The following TBC1D5 variants were observed in gnomAD, a reference collection of about 807,000 sequenced individuals.
TBC1D5 encodes TBC1 domain family member 5.
TBC1D5 carries 75 observed loss-of-function variants against 100.3 expected under a neutral mutation model. The observed-to-expected ratio is 0.75, with a 90% CI of 0.62 to 0.91. The LOEUF (loss-of-function observed/expected upper bound fraction) is 0.91. Among genes scored for constraint, TBC1D5 ranks in the 40% least tolerant of loss-of-function variants. The pLI, the probability that TBC1D5 is intolerant of heterozygous loss-of-function variation, is 0.00. For missense variants in TBC1D5, 910 were observed against 942.4 expected (o/e 0.97, Z 0.45); for synonymous variants, 323 against 325.6 (o/e 0.99, Z 0.09).
At chr3:17,693,274 T>A (rs772221352) in intron 1 of TBC1D5, among the ~76,000 whole-genome samples, 2 of 152,078 alleles carry the variant, frequency 1.3e-5, no homozygotes, top group Admixed American at 1.3e-4. Context: ...TGAAGCAGGG[T>A]GGGGCATTGA....
intron 3 of TBC1D5, among the ~76,000 whole-genome samples, chr3:17,431,108 A>G (rs908388359): frequency 6.6e-6 from 1 of 151,962 alleles, no homozygotes; most frequent in Non-Finnish European, 1.5e-5. Flanking sequence ...AAATGAAATG[A>G]CAATACAATC....
At chr3:17,686,876 G>C (rs1353289764) in intron 1 of TBC1D5, among the ~76,000 whole-genome samples, 1 of 152,046 alleles carries the variant, frequency 6.6e-6, no homozygotes, top group Non-Finnish European at 1.5e-5. Flanking sequence ...TGCACAGGAT[G>C]GCTCCTACAA....
intron 2 of TBC1D5, among the ~76,000 whole-genome samples, chr3:17,579,761 T>C (rs2096681505): frequency 6.6e-6 from 1 of 152,124 alleles, no homozygotes; most frequent in South Asian, 2.1e-4. Flanking sequence ...GCTGAGTACC[T>C]GCCATAAGTA....
At chr3:17,716,860 GTGTT>G (rs147539875) in intron 1 of TBC1D5, among the ~76,000 whole-genome samples, 2,515 of 152,178 alleles carry the variant, frequency 0.017, 52 homozygotes, top group South Asian at 0.047. Flanking sequence ...ATTAATCTGA[GTGTT>G]TGTTCTTGAT....
chr3:17,286,920 C>T (rs950930237), intron 15 of TBC1D5, among the ~76,000 whole-genome samples: 2 of 152,158 alleles, frequency 1.3e-5, no homozygotes, highest in African/African-American at 4.8e-5. Flanking sequence ...CTGGATAAGA[C>T]TGTCTAGGTT....
chr3:17,574,532 G>A (rs769531653), intron 2 of TBC1D5, among the ~76,000 whole-genome samples: 2 of 152,146 alleles, frequency 1.3e-5, no homozygotes, highest in Admixed American at 6.5e-5. Flanking sequence ...CAGTTAATTC[G>A]TGGACTGTGG....
chr3:17,481,254 G>A (rs2095498459), intron 3 of TBC1D5, among the ~76,000 whole-genome samples: 1 of 152,250 alleles, frequency 6.6e-6, no homozygotes, highest in Non-Finnish European at 1.5e-5. Flanking sequence ...TGACGTGCCT[G>A]GCTGCGTGCA....
At chr3:17,585,120 T>G (rs1279899558) in intron 2 of TBC1D5, among the ~76,000 whole-genome samples, 1 of 152,222 alleles carries the variant, frequency 6.6e-6, no homozygotes, top group African/African-American at 2.4e-5. Context: ...ATCCTCTTTA[T>G]GTTTTTCTGT....
intron 3 of TBC1D5, among the ~76,000 whole-genome samples, chr3:17,450,617 G>A (rs1245907632): frequency 1.3e-5 from 2 of 152,100 alleles, no homozygotes; most frequent in African/African-American, 4.8e-5. Context: ...AATCGATCAA[G>A]TGGAAGAAAG....
intron 1 of TBC1D5, among the ~76,000 whole-genome samples, chr3:17,703,192 A>G (rs2073452352): frequency 6.6e-6 from 1 of 152,156 alleles, no homozygotes. Context: ...TATAAAGAAA[A>G]AGAAAAATAT....
intron 3 of TBC1D5, among the ~76,000 whole-genome samples, chr3:17,474,187 A>G (rs1442390384): frequency 6.6e-6 from 1 of 152,198 alleles, no homozygotes; most frequent in Admixed American, 6.5e-5. Context: ...AAAAACTGAT[A>G]CTTTTATATA....
chr3:17,356,286 C>A (rs1403751190), intron 13 of TBC1D5, among the ~76,000 whole-genome samples: 2 of 152,146 alleles, frequency 1.3e-5, no homozygotes, highest in Non-Finnish European at 2.9e-5. Flanking sequence ...AGCATGCTCA[C>A]CTAATCCTAA....
intron 2 of TBC1D5, among the ~76,000 whole-genome samples, chr3:17,591,620 G>C (rs1327654321): frequency 6.6e-6 from 1 of 152,124 alleles, no homozygotes; most frequent in East Asian, 1.9e-4. Flanking sequence ...GCTCAAGTCC[G>C]ACCTACAGTG....
chr3:17,525,381 T>C (rs897843540), intron 2 of TBC1D5, among the ~76,000 whole-genome samples: 1 of 152,200 alleles, frequency 6.6e-6, no homozygotes, highest in Non-Finnish European at 1.5e-5. Context: ...TCTACCTGCC[T>C]CGGCCTCCCA....
At chr3:17,343,189 T>G (rs1223920667) in intron 13 of TBC1D5, among the ~76,000 whole-genome samples, 1 of 152,196 alleles carries the variant, frequency 6.6e-6, no homozygotes, top group Non-Finnish European at 1.5e-5. Context: ...GTTGTTGAAT[T>G]TTGTCAAAGG....
chr3:17,272,715 A>C (rs59481208), intron 15 of TBC1D5, among the ~76,000 whole-genome samples: 1 of 152,200 alleles, frequency 6.6e-6, no homozygotes, highest in East Asian at 1.9e-4. Flanking sequence ...ACATACCATA[A>C]GGGTTCATGA....
At chr3:17,621,573 G>A (rs115176774) in intron 2 of TBC1D5, among the ~76,000 whole-genome samples, 133 of 152,328 alleles carry the variant, frequency 8.7e-4, no homozygotes, top group African/African-American at 3.1e-3. Context: ...TTCTAAAGCT[G>A]TTTGGTCTTC....
rs117981995 is a variant in TBC1D5 at position 17,334,168 on chromosome 3, C to T, written c.996-26034G>A. On this transcript the variant is annotated intron_variant, in intron 13 of 21. Transcript: ENST00000253692. ...GTGGTGTGGTCGCTGGAAATATGACCGTGAGAGTGAGTAGCTTGAGGTAAG... is the reference window on the plus strand; with the variant it reads ...GTGGTGTGGTCGCTGGAAATATGACTGTGAGAGTGAGTAGCTTGAGGTAAG... Among the ~76,000 whole-genome samples, 32 of 151,960 alleles carry T rather than the reference C, an allele frequency of 2.1e-4. No individual in the cohort carries two copies. The East Asian group carries it at 3.9e-3, about 18-fold the overall frequency.
chr3:17,262,607 G>A (rs1301026788), intron 15 of TBC1D5, among the ~76,000 whole-genome samples: 1 of 149,084 alleles, frequency 6.7e-6, no homozygotes, highest in African/African-American at 2.5e-5. Flanking sequence ...TCAGCCTCCC[G>A]AGTAGCTGGG....
Sources: allele counts gnomAD v4.1 joint callset (sites outside exome capture counted in the v4.1 genomes callset), GRCh38; gene constraint gnomAD v4.1.1; transcripts MANE v1.5; gene names NCBI Gene and HGNC (gene_info 2026-07-23, HGNC 2026-07-21).